The following TSC22D2 variants were observed in gnomAD, a reference collection of about 807,000 sequenced individuals.
The protein encoded by TSC22D2 is TSC22 domain family member 2.
Under a neutral mutation model 50.1 loss-of-function variants are expected in TSC22D2, and 5 were observed. The ratio of observed to expected loss-of-function variants is 0.10; its 90% CI spans 0.05 to 0.21. The LOEUF (loss-of-function observed/expected upper bound fraction) is 0.21, where lower values mean the gene tolerates loss of function less well. Ranked by LOEUF, TSC22D2 falls within the 10% of genes least tolerant of loss-of-function variation. TSC22D2 has a pLI of 1.00. For missense variants in TSC22D2, 1,003 were observed against 1,015.5 expected, an observed-to-expected ratio of 0.99 and a Z score of 0.17; for synonymous variants, 501 against 450.1, an observed-to-expected ratio of 1.11 and a Z score of -1.43.
In TSC22D2 at chr3:150,462,558, T is replaced by G. The variant is rs763533518; in HGVS notation, c.*3922T>G. 1.3e-5 allele frequency: 2 copies of G among 152,138 alleles called. No homozygotes were observed. The highest frequency in any genetic ancestry group is 2.4e-5 in the African/African-American group (1 of 41,426). The allele number at this position is 152,138 out of a possible 1,614,324, so 9.4% of individuals were successfully genotyped here. A position where few individuals can be genotyped will look rare whatever the true frequency, so the allele number is the denominator to read the frequency against. On this transcript the variant is annotated 3_prime_UTR_variant, in exon 3 of 3. Transcript: ENST00000688009. ...ATGAAGGAAGTTTGTCTTGGGTCTTTCTGTACCATTTTCCTCTCCACAATG... is the reference window on the plus strand; with the variant it reads ...ATGAAGGAAGTTTGTCTTGGGTCTTGCTGTACCATTTTCCTCTCCACAATG...
intron 1 of TSC22D2, among the ~76,000 whole-genome samples, chr3:150,449,966 G>A (rs1720992666): frequency 6.6e-6 from 1 of 151,462 alleles, no homozygotes; most frequent in Non-Finnish European, 1.5e-5. Flanking sequence ...ATTTATTAGA[G>A]ACTTTTTAAC....
At chr3:150,429,424 G>A (rs1378212348) in intron 1 of TSC22D2, among the ~76,000 whole-genome samples, 1 of 152,102 alleles carries the variant, frequency 6.6e-6, no homozygotes, top group African/African-American at 2.4e-5. Context: ...CAGAATTTAA[G>A]GTTAACTTCA....
chr3:150,464,613 TATATC>T lies in TSC22D2; in HGVS notation c.*5980_*5984del, dbSNP rs1721504065. 6.6e-6 allele frequency: 1 copy of T among 152,174 alleles called. No individual in the cohort carries two copies. The highest frequency in any genetic ancestry group is 1.5e-5 in the Non-Finnish European group (1 of 68,014). 9.4% of individuals were successfully genotyped at this position (152,174 alleles called of 1,614,324 possible). A position where few individuals can be genotyped will look rare whatever the true frequency, so the allele number is the denominator to read the frequency against. On this transcript the variant is annotated 3_prime_UTR_variant, in exon 3 of 3. Coordinates refer to ENST00000688009, the MANE Select transcript of TSC22D2 (RefSeq NM_001303264.2). ...AGTATATGTTATAGTTTGTGAACCT[TATATC>T]ATTTGTTAAATGAAAGGTTTTTATA...
intron 1 of TSC22D2, among the ~76,000 whole-genome samples, chr3:150,450,589 C>T (rs1311574547): frequency 6.6e-6 from 1 of 151,804 alleles, no homozygotes; most frequent in Non-Finnish European, 1.5e-5. Context: ...TTATTCTTAA[C>T]CATAGAGGTT....
chr3:150,452,142 G>GT (rs748778684), intron 1 of TSC22D2, among the ~76,000 whole-genome samples: 10 of 152,108 alleles, frequency 6.6e-5, no homozygotes, highest in African/African-American at 9.7e-5. Flanking sequence ...GTTTCTCATA[G>GT]TTTTTTAAAA....
At chr3:150,415,034 T>C (rs1174191449) in intron 1 of TSC22D2, among the ~76,000 whole-genome samples, 6 of 151,712 alleles carry the variant, frequency 4.0e-5, no homozygotes, top group African/African-American at 1.2e-4. Context: ...AATTCGTATA[T>C]ATGTGTCATT....
chr3:150,443,319 T>C (rs183694031), intron 1 of TSC22D2, among the ~76,000 whole-genome samples: 5 of 152,352 alleles, frequency 3.3e-5, no homozygotes, highest in Admixed American at 2.6e-4. Flanking sequence ...TGTGGAGACA[T>C]TGAACTGGGT....
chr3:150,410,421 C>G lies in TSC22D2; in HGVS notation c.1071C>G (p.Phe357Leu), dbSNP rs750970416. Reference protein sequence around the residue: ...GAPAAQQPQQFAYPQPQIPPG... With the variant: ...GAPAAQQPQQLAYPQPQIPPG... ...CCGCGGCGCAGCAGCCCCAGCAGTT[C>G]GCGTATCCTCAGCCTCAGATACCGC... The change falls in exon 1 of 3, where the codon TTC becomes TTG. Residue 357 changes from phenylalanine to leucine, a missense_variant. Transcript: ENST00000688009. The G allele has an allele frequency of 7.5e-6, 12 of 1,608,880 alleles. No individual in the cohort carries two copies. In the Admixed American group the frequency reaches 1.7e-4, roughly 22 times the overall value.
chr3:150,411,581 A>G (rs768913985), intron 1 of TSC22D2, among the ~76,000 whole-genome samples: 4 of 152,342 alleles, frequency 2.6e-5, no homozygotes, highest in Middle Eastern at 3.4e-3. Flanking sequence ...AATGCTTACC[A>G]TTTAATGGTG....
At position 150,409,516 on chromosome 3, in the gene TSC22D2, G is replaced by A. The variant is rs1261339798; in HGVS notation, c.166G>A (p.Asp56Asn). Residue 56 changes from aspartate to asparagine, a missense_variant, in exon 1 of 3, where the codon GAT becomes AAT. Asp to Asn is a conservative substitution (Grantham distance 23). This residue lies in a region of TSC22D2 where 200 missense variants were observed against 182.8 expected (regional missense o/e 1.09). Coordinates refer to ENST00000688009, the MANE Select transcript of TSC22D2 (RefSeq NM_001303264.2). This position sits in a 1 kb window ranked among gnomAD's most constrained non-coding sequence, Gnocchi z 7.4. ...GATTTTCGACGTCTCTCGGGCCACGGATTATGGCCCTGAGGAGGTCTGCGA... is the reference window on the plus strand; with the variant it reads ...GATTTTCGACGTCTCTCGGGCCACGAATTATGGCCCTGAGGAGGTCTGCGA... The part of the protein sequence containing the change: ...SEIFDVSRAT[D>N]YGPEEVCERS... The A allele has an allele frequency of 2.5e-6, 4 of 1,613,018 alleles. No homozygotes were observed. Among genetic ancestry groups the A allele is most frequent in the Non-Finnish European group, 2.5e-6 (3 of 1,179,472 alleles).
chr3:150,423,198 T>A, intron 1 of TSC22D2: 1 of 1,046,320 alleles, frequency 9.6e-7, no homozygotes, highest in Non-Finnish European at 1.4e-6. Flanking sequence ...GGTTTCTCAT[T>A]AAAACTGATC....
At chr3:150,414,522 T>C (rs1340383936) in intron 1 of TSC22D2, among the ~76,000 whole-genome samples, 1 of 152,196 alleles carries the variant, frequency 6.6e-6, no homozygotes, top group African/African-American at 2.4e-5. Context: ...CTGTCATCTG[T>C]GGCCAAAAGA....
intron 1 of TSC22D2, chr3:150,438,203 T>G (rs1720611638): frequency 2.4e-6 from 1 of 422,722 alleles, no homozygotes; most frequent in African/African-American, 2.0e-5. Flanking sequence ...GCTAGAATTT[T>G]TTTTAGAATT....
intron 1 of TSC22D2, among the ~76,000 whole-genome samples, chr3:150,447,485 C>A (rs546810239): frequency 5.3e-5 from 8 of 152,178 alleles, no homozygotes; most frequent in Non-Finnish European, 1.0e-4. Flanking sequence ...ATTTCTCCAA[C>A]AGGATTCTAC....
At chr3:150,442,709 A>G (rs1270126296) in intron 1 of TSC22D2, among the ~76,000 whole-genome samples, 1 of 152,176 alleles carries the variant, frequency 6.6e-6, no homozygotes, top group African/African-American at 2.4e-5. Context: ...CAAGCCTGTA[A>G]TCCCAGCACT....
chr3:150,416,802 TC>T (rs1719821542), intron 1 of TSC22D2, among the ~76,000 whole-genome samples: 1 of 152,152 alleles, frequency 6.6e-6, no homozygotes, highest in Non-Finnish European at 1.5e-5. Flanking sequence ...ATGGATTGTT[TC>T]CTGTATGAAA....
chr3:150,428,318 G>A (rs1720263039), intron 1 of TSC22D2, among the ~76,000 whole-genome samples: 2 of 152,038 alleles, frequency 1.3e-5, no homozygotes, highest in African/African-American at 4.8e-5. Context: ...TTCTTAAGTG[G>A]GGGATGGGGC....
intron 1 of TSC22D2, among the ~76,000 whole-genome samples, chr3:150,434,568 A>G (rs538238383): frequency 6.6e-5 from 10 of 152,246 alleles, no homozygotes; most frequent in African/African-American, 1.9e-4. Context: ...TTTAATTTCA[A>G]TATCTTTTTC....
At chr3:150,430,727 A>G (rs1720350870) in intron 1 of TSC22D2, among the ~76,000 whole-genome samples, 1 of 152,166 alleles carries the variant, frequency 6.6e-6, no homozygotes, top group Non-Finnish European at 1.5e-5. Context: ...GCTTTAGGAA[A>G]GGCCAAGATT....
Sources: allele counts gnomAD v4.1 joint callset (sites outside exome capture counted in the v4.1 genomes callset), GRCh38; gene constraint gnomAD v4.1.1; regional missense constraint gnomAD v4.1.1; non-coding constraint Gnocchi (gnomAD v3.1); transcripts MANE v1.5; gene names NCBI Gene and HGNC (gene_info 2026-07-23, HGNC 2026-07-21).